The following IPCEF1 variants were observed in gnomAD, a reference collection of about 807,000 sequenced individuals.
IPCEF1 encodes the protein interaction protein for cytohesin exchange factors 1.
A neutral mutation model predicts 50.9 loss-of-function variants in IPCEF1; 31 were observed. That is an observed-to-expected ratio of 0.61 (90% CI 0.46 to 0.82). The LOEUF is 0.82. IPCEF1 is among the 40% of genes least tolerant of loss of function. The probability of loss-of-function intolerance (pLI) is 0.00; values close to 1 mark genes in which losing one functional copy is unlikely to be tolerated. For missense variants in IPCEF1, 458 were observed against 514.0 expected, an observed-to-expected ratio of 0.89 and a Z score of 1.05; for synonymous variants, 181 against 192.0, an observed-to-expected ratio of 0.94 and a Z score of 0.47.
chr6:154,166,223 A>G (rs1799412593), intron 11 of IPCEF1, among the ~76,000 whole-genome samples: 1 of 152,250 alleles, frequency 6.6e-6, no homozygotes, highest in African/African-American at 2.4e-5. Flanking sequence ...TGAATTCACC[A>G]ATGACGAGGT....
chr6:154,324,968 C>A (rs1162764547), intron 1 of IPCEF1, among the ~76,000 whole-genome samples: 1 of 151,954 alleles, frequency 6.6e-6, no homozygotes. Flanking sequence ...ACGCATATGA[C>A]AATGAGTTCA....
chr6:154,329,735 A>G (rs1378394387), intron 1 of IPCEF1, among the ~76,000 whole-genome samples: 1 of 151,546 alleles, frequency 6.6e-6, no homozygotes, highest in Non-Finnish European at 1.5e-5. Flanking sequence ...TTTTTTTTTC[A>G]CCAATTCTCT....
intron 1 of IPCEF1, among the ~76,000 whole-genome samples, chr6:154,345,565 C>T (rs1784011741): frequency 6.6e-6 from 1 of 152,346 alleles, no homozygotes; most frequent in East Asian, 1.9e-4. Context: ...ACCTCCCAAA[C>T]CATGCCTCAA....
intron 1 of IPCEF1, among the ~76,000 whole-genome samples, chr6:154,312,643 G>A (rs995099397): frequency 6.6e-6 from 1 of 152,054 alleles, no homozygotes; most frequent in Non-Finnish European, 1.5e-5. Flanking sequence ...ACCGCACCTG[G>A]CCAGAATCAA....
At position 154,246,621 on chromosome 6, in the gene IPCEF1, C is replaced by A; in HGVS notation, c.216G>T (p.Gly72=). The change falls in exon 5 of 12, where the codon GGG becomes GGT. Residue 72 remains glycine (G), a synonymous_variant. Transcript: ENST00000367220. ...KWKKFWVILK[G]SSLYWYSNQM... ...GATTGCTATACCAGTACAGTGACGA[C>A]CCCTTCAGTATCACCCAGAACTTTT... 6.2e-7 allele frequency: 1 copy of A among 1,613,952 alleles called. No individual in the cohort carries two copies.
chr6:154,341,933 C>T (rs1206014540), intron 1 of IPCEF1, among the ~76,000 whole-genome samples: 1 of 152,028 alleles, frequency 6.6e-6, no homozygotes, highest in Non-Finnish European at 1.5e-5. Context: ...GGATTGATAA[C>T]GTAAAGGAAA....
chr6:154,279,474 T>C (rs1213592904), intron 2 of IPCEF1, among the ~76,000 whole-genome samples: 1 of 152,224 alleles, frequency 6.6e-6, no homozygotes, highest in Non-Finnish European at 1.5e-5. Flanking sequence ...GTCCTACTTT[T>C]CCTTCTACGA....
intron 1 of IPCEF1, among the ~76,000 whole-genome samples, chr6:154,331,370 G>GGCAAGAAA (rs1783657579): frequency 8.9e-6 from 1 of 111,958 alleles, no homozygotes; most frequent in Non-Finnish European, 1.7e-5. Flanking sequence ...AAGAAAGAAA[G>GGCAAGAAA]GAAAGAAAGA....
chr6:154,346,489 G>C (rs1475830621), intron 1 of IPCEF1, among the ~76,000 whole-genome samples: 1 of 152,150 alleles, frequency 6.6e-6, no homozygotes, highest in East Asian at 1.9e-4. Context: ...AACTTTTTCT[G>C]GTTGTATAAT....
intron 1 of IPCEF1, among the ~76,000 whole-genome samples, chr6:154,328,513 G>A (rs1783578250): frequency 6.6e-6 from 1 of 151,844 alleles, no homozygotes; most frequent in Admixed American, 6.6e-5. Flanking sequence ...GCTAAGACAG[G>A]CAGATGACTT....
chr6:154,262,768 CCTTTT>C (rs1781632927), intron 3 of IPCEF1, among the ~76,000 whole-genome samples: 1 of 113,778 alleles, frequency 8.8e-6, no homozygotes, highest in Admixed American at 1.2e-4. Flanking sequence ...TGCTTATAAT[CCTTTT>C]TTTTTTTTTT....
intron 1 of IPCEF1, among the ~76,000 whole-genome samples, chr6:154,322,252 C>T (rs1278337430): frequency 6.6e-6 from 1 of 152,194 alleles, no homozygotes; most frequent in East Asian, 1.9e-4. Flanking sequence ...CAAGGTGTCT[C>T]ACACCTGTAA....
At chr6:154,325,805 C>T (rs1029172076) in intron 1 of IPCEF1, among the ~76,000 whole-genome samples, 1 of 152,156 alleles carries the variant, frequency 6.6e-6, no homozygotes, top group Non-Finnish European at 1.5e-5. Context: ...AAAATCACTA[C>T]TCTAGAAACA....
chr6:154,222,066 T>C (rs951899782), intron 6 of IPCEF1, among the ~76,000 whole-genome samples: 1 of 152,232 alleles, frequency 6.6e-6, no homozygotes, highest in African/African-American at 2.4e-5. Context: ...AGAATTTTTA[T>C]AGGAGAATAA....
chr6:154,340,749 GT>G (rs1783894828), intron 1 of IPCEF1, among the ~76,000 whole-genome samples: 1 of 151,904 alleles, frequency 6.6e-6, no homozygotes, highest in African/African-American at 2.4e-5. Flanking sequence ...GCCAGGCGTG[GT>G]GGCACATACC....
chr6:154,329,175 G>T (rs1783595222), intron 1 of IPCEF1, among the ~76,000 whole-genome samples: 1 of 151,928 alleles, frequency 6.6e-6, no homozygotes, highest in Non-Finnish European at 1.5e-5. Context: ...CCTTTGGGAG[G>T]TCGACGGGGG....
intron 9 of IPCEF1, among the ~76,000 whole-genome samples, chr6:154,202,096 AT>A (rs1236302582): frequency 1.3e-5 from 2 of 152,220 alleles, no homozygotes; most frequent in African/African-American, 4.8e-5. Flanking sequence ...GGAGAAGCCA[AT>A]ATTTACCTAA....
intron 3 of IPCEF1, among the ~76,000 whole-genome samples, chr6:154,254,403 G>C (rs1456562744): frequency 2.0e-5 from 3 of 152,284 alleles, no homozygotes; most frequent in Middle Eastern, 3.4e-3. Flanking sequence ...GGCAGCAGGA[G>C]AAAGAGAGAA....
At position 154,159,965 on chromosome 6, in the gene IPCEF1, A is replaced by C; in HGVS notation, c.1180T>G (p.Trp394Gly). ...ATCAGCAGGGTGTTCATGACTTTCC[A>C]CTCTCTGTATTTCCTGGCTGTCAGC... The part of the protein sequence containing the change: ...PKLTARKYRE[W>G]KVMNTLLIQD... Residue 394 changes from tryptophan (W) to glycine (G), a missense_variant, in exon 12 of 12, where the codon TGG becomes GGG. Transcript: ENST00000367220. 1 of 1,612,636 alleles carries C rather than the reference A, an allele frequency of 6.2e-7. No individual in the cohort carries two copies. Among genetic ancestry groups the C allele is most frequent in the South Asian group, 1.1e-5 (1 of 90,966 alleles).
Sources: allele counts gnomAD v4.1 joint callset (sites outside exome capture counted in the v4.1 genomes callset), GRCh38; gene constraint gnomAD v4.1.1; transcripts MANE v1.5; gene names NCBI Gene and HGNC (gene_info 2026-07-23, HGNC 2026-07-21).